Variants in GAS7 observed in about 807,000 individuals in gnomAD.
GAS7 encodes the protein growth arrest-specific protein 7.
In GAS7, 28 loss-of-function variants were observed where a neutral mutation model predicts 71.1. The ratio of observed to expected loss-of-function variants is 0.39; its 90% confidence interval spans 0.29 to 0.54. The LOEUF is 0.54. Among genes scored for constraint, GAS7 ranks in the 20% least tolerant of loss-of-function variants. The pLI, the probability that GAS7 is intolerant of heterozygous loss-of-function variation, is 0.62. For missense variants in GAS7, 436 were observed against 627.8 expected (o/e 0.69, Z 3.27); for synonymous variants, 258 against 245.8 (o/e 1.05, Z -0.46).
chr17:10,083,429 G>T (rs1322021112), intron 1 of GAS7, among the ~76,000 whole-genome samples: 1 of 152,176 alleles, frequency 6.6e-6, no homozygotes, highest in Non-Finnish European at 1.5e-5. Context: ...CGGTGATGCA[G>T]GATTTTTCTC....
chr17:9,913,753 T>C lies in GAS7; in HGVS notation c.*3475A>G, dbSNP rs2067503447. On this transcript the variant is annotated 3_prime_UTR_variant, in exon 14 of 14. Coordinates refer to ENST00000432992, the MANE Select transcript of GAS7 (RefSeq NM_201433.2). ...ATGTGTTGCCACTGACTGAAAGCAC[T>C]AGAAAGAATAGAGGGTAACAAGTGG... The C allele has an allele frequency of 8.6e-6, 2 of 231,536 alleles. No individual in the cohort carries two copies. The allele number at this position is 231,536 out of a possible 1,614,324, so 14.3% of individuals were successfully genotyped here.
rs528069618 is a variant in GAS7, at chr17:10,043,459, C to T, written c.184-23562G>A. ...CCCATCTCCCCATGTGGTTGAAAAT[C>T]TGTACCTAACTTTTGACTCCCTCAA... On this transcript the variant is annotated intron_variant, in intron 1 of 13. Coordinates refer to ENST00000432992, the MANE Select transcript of GAS7 (RefSeq NM_201433.2). 5.3e-5 allele frequency among the ~76,000 whole-genome samples: 8 copies of T among 152,304 alleles called. No individual in the cohort carries two copies. The South Asian group carries it at 1.7e-3, about 32-fold the overall frequency.
intron 1 of GAS7, among the ~76,000 whole-genome samples, chr17:10,123,720 C>T (rs559775096): frequency 6.6e-6 from 1 of 152,350 alleles, no homozygotes; most frequent in South Asian, 2.1e-4. Flanking sequence ...CTCCATTCTG[C>T]CCGTCCAGGA....
At chr17:10,105,285 A>G (rs1235123600) in intron 1 of GAS7, among the ~76,000 whole-genome samples, 2 of 152,048 alleles carry the variant, frequency 1.3e-5, no homozygotes, top group African/African-American at 4.8e-5. Context: ...GGTGTGGCTC[A>G]GGTGGTGGCT....
chr17:10,126,223 C>A (rs1028003533), intron 1 of GAS7, among the ~76,000 whole-genome samples: 21 of 151,940 alleles, frequency 1.4e-4, no homozygotes, highest in African/African-American at 4.3e-4. Flanking sequence ...CTAATCCTGT[C>A]CGTTCTCCTG....
intron 5 of GAS7, among the ~76,000 whole-genome samples, chr17:9,950,312 A>G (rs2068954950): frequency 6.6e-6 from 1 of 152,090 alleles, no homozygotes; most frequent in Non-Finnish European, 1.5e-5. Context: ...GTTCAAGACC[A>G]GCCTGGGCAA....
intron 13 of GAS7, 89 bp from the exon 14 acceptor site, chr17:9,917,430 G>A: frequency 2.2e-6 from 2 of 901,442 alleles, no homozygotes; most frequent in South Asian, 2.8e-5. Context: ...TCACCTTAGT[G>A]TCTCTGAGAG....
At chr17:10,090,370 T>C (rs916316428) in intron 1 of GAS7, among the ~76,000 whole-genome samples, 3 of 152,190 alleles carry the variant, frequency 2.0e-5, no homozygotes, top group Admixed American at 1.3e-4. Context: ...GCAATGTAAA[T>C]GAGAGTATGT....
At position 9,981,931 on chromosome 17, in the gene GAS7, C is replaced by A; in HGVS notation, c.305-47G>T. 9.6e-7 allele frequency: 1 copy of A among 1,043,396 alleles called. No individual in the cohort carries two copies. Among genetic ancestry groups the A allele is most frequent in the Non-Finnish European group, 1.5e-6 (1 of 659,882 alleles). The allele number at this position is 1,043,396 out of a possible 1,614,324, so 64.6% of individuals were successfully genotyped here. A position where few individuals can be genotyped will look rare whatever the true frequency, so the allele number is the denominator to read the frequency against. ...AAATCACTTTGAGAATGTCACAGGG[C>A]AGAACCTGAGTTTCACAGAGCAGAA... is the stretch of plus-strand genomic sequence containing the variant. On this transcript the variant is annotated intron_variant, in intron 2 of 13. Transcript: ENST00000432992. The surrounding 1 kb of genome is among the most constrained non-coding windows in gnomAD (Gnocchi z 4.4).
At chr17:9,922,525 G>GC (rs1399926783) in intron 11 of GAS7, among the ~76,000 whole-genome samples, 21 of 152,256 alleles carry the variant, frequency 1.4e-4, no homozygotes, top group African/African-American at 4.8e-4. Context: ...ATGCTCTAAA[G>GC]CATGGAGGCT....
chr17:10,025,759 G>A (rs1382607764), intron 1 of GAS7, among the ~76,000 whole-genome samples: 1 of 152,164 alleles, frequency 6.6e-6, no homozygotes, highest in Non-Finnish European at 1.5e-5. Flanking sequence ...AGCAGCCTGG[G>A]AGGCTGCATT....
At chr17:9,989,929 C>T (rs974343414) in intron 2 of GAS7, among the ~76,000 whole-genome samples, 3 of 152,198 alleles carry the variant, frequency 2.0e-5, no homozygotes, top group Admixed American at 6.5e-5. Flanking sequence ...TCAGTGGGTG[C>T]TGCCTCATTT....
At chr17:10,117,219 C>T (rs1414271840) in intron 1 of GAS7, among the ~76,000 whole-genome samples, 3 of 152,118 alleles carry the variant, frequency 2.0e-5, no homozygotes, top group Non-Finnish European at 4.4e-5. Flanking sequence ...CACTCAGCCT[C>T]TTGCTTCCAA....
chr17:10,158,599 C>CA (rs926390531), intron 1 of GAS7, among the ~76,000 whole-genome samples: 1 of 151,712 alleles, frequency 6.6e-6, no homozygotes, highest in African/African-American at 2.4e-5. Flanking sequence ...GAAATGTTTC[C>CA]AAAAAAATAC....
At chr17:10,019,970 G>C in intron 1 of GAS7, 73 bp from the exon 2 acceptor site, 1 of 1,442,410 alleles carries the variant, frequency 6.9e-7, no homozygotes, top group South Asian at 1.2e-5. Context: ...GAAGGCAAAG[G>C]CTGATGAATT....
intron 1 of GAS7, chr17:10,036,480 G>C: frequency 6.2e-7 from 1 of 1,613,696 alleles, no homozygotes; most frequent in Non-Finnish European, 8.5e-7. Flanking sequence ...CCTCAGAGGA[G>C]AGTCTTGGGT....
At position 9,969,879 on chromosome 17, in the gene GAS7, G is replaced by A. The variant is rs1478525084; in HGVS notation, c.386-117C>T. On this transcript the variant is annotated intron_variant, in intron 3 of 13. Transcript: ENST00000432992. The surrounding 1 kb of genome is among the most constrained non-coding windows in gnomAD (Gnocchi z 5.5). ...TCCTTGGCTCTGAGAGGTCTTGCGTGGCGAAGACCATCCCTCAGGATCTGA... is the reference window on the plus strand; with the variant it reads ...TCCTTGGCTCTGAGAGGTCTTGCGTAGCGAAGACCATCCCTCAGGATCTGA... 1.0e-5 allele frequency: 7 copies of A among 687,710 alleles called. No homozygotes were observed. Among genetic ancestry groups the A allele is most frequent in the Non-Finnish European group, 1.6e-5 (6 of 377,586 alleles). 42.6% of individuals were successfully genotyped at this position (687,710 alleles called of 1,614,324 possible).
At chr17:9,946,055 A>G (rs1195810252) in intron 6 of GAS7, among the ~76,000 whole-genome samples, 1 of 152,108 alleles carries the variant, frequency 6.6e-6, no homozygotes, top group East Asian at 1.9e-4. Flanking sequence ...GAGTCTTTGG[A>G]CACTTGTTTT....
intron 1 of GAS7, among the ~76,000 whole-genome samples, chr17:10,134,187 CGCCTA>C (rs143682567): frequency 0.017 from 2,595 of 152,258 alleles, 72 homozygotes; most frequent in African/African-American, 0.059. Context: ...CCATCCACCA[CGCCTA>C]GCTATTTTTC....
Sources: gnomAD v4.1 joint callset for allele counts (sites outside exome capture counted in the v4.1 genomes callset) on GRCh38, gnomAD v4.1.1 for gene constraint, Gnocchi (gnomAD v3.1) non-coding constraint, MANE v1.5 for transcripts, NCBI Gene and HGNC (gene_info 2026-07-23, HGNC 2026-07-21) for gene names.